The following AMY2B variants were observed in gnomAD, a reference collection of about 807,000 sequenced individuals.
AMY2B encodes amylase alpha 2B.
AMY2B carries 63 observed loss-of-function variants against 59.3 expected under a neutral mutation model. The observed-to-expected ratio is 1.06, with a 90% CI of 0.87 to 1.31. The LOEUF is 1.31. Among genes scored for constraint, AMY2B ranks in the 50% most tolerant of loss-of-function variants. The pLI, the probability that AMY2B is intolerant of heterozygous loss-of-function variation, is 0.00. For synonymous variants in AMY2B, 180 were observed against 198.1 expected, an observed-to-expected ratio of 0.91 and a Z score of 0.77; for missense variants, 635 against 626.7, an observed-to-expected ratio of 1.01 and a Z score of -0.14.
In AMY2B at chr1:103,573,769, C is replaced by A; in HGVS notation, c.575C>A (p.Ser192Tyr). The A allele has an allele frequency of 6.2e-7, 1 of 1,613,768 alleles. No homozygotes were observed. Among genetic ancestry groups the A allele is most frequent in the African/African-American group, 1.3e-5 (1 of 75,010 alleles). The stretch of plus-strand genomic sequence containing the variant: ...GCACTGGAGAAAGATTATGTGCGTT[C>A]CAAGATTGCCGAATATATGAATCAT... The part of the protein sequence containing the change: ...DLALEKDYVR[S>Y]KIAEYMNHLI... Residue 192 changes from serine to tyrosine, a missense_variant, in exon 4 of 10, where the codon TCC (serine) becomes TAC (tyrosine). Ser to Tyr is a moderately radical substitution (Grantham distance 144). Transcript: ENST00000684275.
chr1:103,572,137 A>G lies in AMY2B; in HGVS notation c.196A>G (p.Ile66Val), dbSNP rs762791161. The G allele has an allele frequency of 5.2e-5, 83 of 1,611,618 alleles. No individual in the cohort carries two copies. The highest frequency in any genetic ancestry group is 6.7e-5 in the Non-Finnish European group (79 of 1,179,700). The change falls in exon 2 of 10, where the codon ATT becomes GTT. Residue 66 changes from isoleucine to valine, a missense_variant. Coordinates refer to ENST00000684275, the MANE Select transcript of AMY2B (RefSeq NM_001387437.1). ...QVSPPNENVA[I>V]HNPFRPWWER... ...CTCTCCACCAAATGAAAATGTTGCA[A>G]TTCACAACCCTTTCAGACCTTGGTG...
chr1:103,575,614 A>G (rs2101077309), intron 7 of AMY2B, 74 bp downstream of exon 7: 1 of 1,576,956 alleles, frequency 6.3e-7, no homozygotes, highest in Non-Finnish European at 8.6e-7. Context: ...TTAATATGAC[A>G]ACTATTAATT....
rs766294651 is a variant in AMY2B, at chr1:103,571,768, C to A, written c.166C>A (p.Gln56Lys). The change falls in exon 1 of 10, where the codon CAG (glutamine) becomes AAG (lysine). Residue 56 changes from glutamine to lysine, a missense_variant and splice_region_variant. Transcript: ENST00000684275. ...AGCTCCCAAGGGATTTGGAGGGGTTCAGGTGGGTATGATTCATAGTATCAA... is the reference window on the plus strand; with the variant it reads ...AGCTCCCAAGGGATTTGGAGGGGTTAAGGTGGGTATGATTCATAGTATCAA... ...YLAPKGFGGVQVSPPNENVAI... is the reference protein window; with the variant it reads ...YLAPKGFGGVKVSPPNENVAI... The A allele has an allele frequency of 1.2e-6, 2 of 1,611,916 alleles. No individual in the cohort carries two copies. Among genetic ancestry groups the A allele is most frequent in the Non-Finnish European group, 1.7e-6 (2 of 1,179,822 alleles).
At chr1:103,573,310 T>C in intron 3 of AMY2B, 50 bp downstream of exon 3, 2 of 1,611,496 alleles carry the variant, frequency 1.2e-6, no homozygotes, top group Non-Finnish European at 1.7e-6. Flanking sequence ...ATATGCCTTT[T>C]CTTGTAGACA....
Position 103,579,512 on chromosome 1 carries a change from A to T in AMY2B, c.*12A>T. ...AATCTAAATTATAAAATTTAAAATTAAATGCATATCCTCAAAACAATAGCC... is the reference window on the plus strand; with the variant it reads ...AATCTAAATTATAAAATTTAAAATTTAATGCATATCCTCAAAACAATAGCC... On this transcript the variant is annotated 3_prime_UTR_variant, in exon 10 of 10. Transcript: ENST00000684275. 1 of 1,608,090 alleles carries T rather than the reference A, an allele frequency of 6.2e-7. No individual in the cohort carries two copies. Among genetic ancestry groups the T allele is most frequent in the Non-Finnish European group, 8.5e-7 (1 of 1,178,434 alleles).
At position 103,579,414 on chromosome 1, in the gene AMY2B, G is replaced by A. The variant is rs143243690; in HGVS notation, c.1450G>A (p.Val484Ile). 68 of 1,611,716 alleles carry A rather than the reference G, an allele frequency of 4.2e-5. No homozygotes were observed. Among genetic ancestry groups the A allele is most frequent in the Middle Eastern group, 2.3e-4 (1 of 4,424 alleles). The change falls in exon 10 of 10, where the codon GTT becomes ATT. Residue 484 changes from valine (V) to isoleucine (I), a missense_variant. Val to Ile is a conservative substitution (Grantham distance 29). Coordinates refer to ENST00000684275, the MANE Select transcript of AMY2B (RefSeq NM_001387437.1). ...CAATTGCACAGGCATTAAAATCTAC[G>A]TTTCTGACGATGGCAAAGCTCATTT... is the stretch of plus-strand genomic sequence containing the variant. ...NGNCTGIKIY[V>I]SDDGKAHFSI...
intron 1 of AMY2B, 69 bp from the exon 2 acceptor site, chr1:103,572,041 A>C (rs1652154540): frequency 6.3e-7 from 1 of 1,599,434 alleles, no homozygotes; most frequent in Non-Finnish European, 8.5e-7. Flanking sequence ...TATATTATTG[A>C]TTAGTTTCTA....
chr1:103,558,432 A>G (rs1380194978), intron 1 of AMY2B, among the ~76,000 whole-genome samples: 7 of 152,348 alleles, frequency 4.6e-5, no homozygotes, highest in African/African-American at 1.7e-4. Context: ...AGTCAAGAGA[A>G]GAATAAATCA....
At chr1:103,578,740 T>C (rs972644252) in intron 9 of AMY2B, among the ~76,000 whole-genome samples, 8 of 152,130 alleles carry the variant, frequency 5.3e-5, no homozygotes, top group Non-Finnish European at 1.2e-4. Flanking sequence ...TTCATAGAAA[T>C]GCTAGATTGT....
intron 1 of AMY2B, among the ~76,000 whole-genome samples, chr1:103,561,042 A>G (rs1651716025): frequency 6.6e-6 from 1 of 151,100 alleles, no homozygotes; most frequent in Non-Finnish European, 1.5e-5. Flanking sequence ...CATGTAGGGT[A>G]CGCGTGTGTG....
intron 1 of AMY2B, among the ~76,000 whole-genome samples, chr1:103,559,883 T>C (rs1277301168): frequency 6.6e-6 from 1 of 152,148 alleles, no homozygotes; most frequent in East Asian, 1.9e-4. Flanking sequence ...TTGCATAATA[T>C]GAAAATATAA....
intron 1 of AMY2B, among the ~76,000 whole-genome samples, chr1:103,564,430 T>A (rs759310766): frequency 1.3e-5 from 2 of 152,156 alleles, no homozygotes; most frequent in African/African-American, 2.4e-5. Flanking sequence ...ATCCAGTTAG[T>A]TTGTTGTACT....
chr1:103,560,889 G>T (rs1011233484), intron 1 of AMY2B, among the ~76,000 whole-genome samples: 3 of 152,032 alleles, frequency 2.0e-5, no homozygotes, highest in Admixed American at 1.3e-4. Context: ...TGATTAGTAG[G>T]TAAGAGCTCA....
At chr1:103,561,964 A>C (rs937268956) in intron 1 of AMY2B, 2 of 152,218 alleles carry the variant, frequency 1.3e-5, no homozygotes, top group Non-Finnish European at 2.9e-5. Context: ...AAAATCTATA[A>C]GATTCTAAAT....
At chr1:103,565,079 C>T (rs1428747256) in intron 1 of AMY2B, 5 of 152,160 alleles carry the variant, frequency 3.3e-5, no homozygotes, top group African/African-American at 1.2e-4. Flanking sequence ...AACATTTCCC[C>T]TCTATTCCAG....
intron 9 of AMY2B, among the ~76,000 whole-genome samples, chr1:103,578,824 A>T (rs187370866): frequency 0.011 from 1,415 of 133,216 alleles, 26 homozygotes; most frequent in African/African-American, 0.036. Context: ...CCCTTTAAAA[A>T]TTTTTTTTTA....
chr1:103,561,093 CTA>C (rs747484771), intron 1 of AMY2B, among the ~76,000 whole-genome samples: 1 of 142,852 alleles, frequency 7.0e-6, no homozygotes, highest in Non-Finnish European at 1.6e-5. Context: ...CACATAGTAA[CTA>C]TATGTTGTTA....
At chr1:103,567,649 T>C (rs574091229), upstream of AMY2B, among the ~76,000 whole-genome samples, 2 of 152,288 alleles carry the variant, frequency 1.3e-5, no homozygotes, top group Non-Finnish European at 2.9e-5. Flanking sequence ...TAATCTGGTT[T>C]CTTCCCAGAA....
rs753265856 is a variant in AMY2B at position 103,577,599 on chromosome 1, G to T, written c.1211G>T (p.Arg404Leu). 6.2e-7 allele frequency: 1 copy of T among 1,611,838 alleles called. No homozygotes were observed. The highest frequency in any genetic ancestry group is 2.2e-5 in the East Asian group (1 of 44,852). The change falls in exon 8 of 10, where the codon CGC (arginine) becomes CTC (leucine). Residue 404 changes from arginine to leucine, a missense_variant. Arg to Leu is a moderately radical substitution (Grantham distance 102). Coordinates refer to ENST00000684275, the MANE Select transcript of AMY2B (RefSeq NM_001387437.1). ...GNDWVCEHRW[R>L]QIRNMVNFRN... Reference sequence around the variant, plus strand: ...GACTGGGTCTGTGAACATCGATGGCGCCAAATAAGGTGAGAATATGTATTT... The same window carrying T: ...GACTGGGTCTGTGAACATCGATGGCTCCAAATAAGGTGAGAATATGTATTT...
Sources: gnomAD v4.1 joint callset for allele counts (sites outside exome capture counted in the v4.1 genomes callset) on GRCh38, gnomAD v4.1.1 for gene constraint, MANE v1.5 for transcripts, NCBI Gene and HGNC (gene_info 2026-07-23, HGNC 2026-07-21) for gene names.